The following SLC24A4 variants were observed in gnomAD, a reference collection of about 807,000 sequenced individuals.
SLC24A4 encodes the protein sodium/potassium/calcium exchanger 4.
Under a neutral mutation model 79.0 loss-of-function variants are expected in SLC24A4, and 53 were observed. That is an observed-to-expected ratio of 0.67 (90% CI 0.54 to 0.84). The LOEUF (loss-of-function observed/expected upper bound fraction) is 0.84. Ranked by LOEUF, SLC24A4 falls within the 40% of genes least tolerant of loss-of-function variation. SLC24A4 has a pLI of 0.00. For missense variants in SLC24A4, 731 were observed against 822.0 expected, an observed-to-expected ratio of 0.89 and a Z score of 1.35; for synonymous variants, 323 against 323.8, an observed-to-expected ratio of 1.00 and a Z score of 0.03.
At chr14:92,385,590 A>G (rs770397888) in intron 2 of SLC24A4, among the ~76,000 whole-genome samples, 4 of 152,162 alleles carry the variant, frequency 2.6e-5, no homozygotes, top group Non-Finnish European at 5.9e-5. Context: ...TATTCATAAC[A>G]TACCCGGGAG....
intron 2 of SLC24A4, among the ~76,000 whole-genome samples, chr14:92,424,978 C>G (rs1438813942): frequency 6.6e-6 from 1 of 152,180 alleles, no homozygotes; most frequent in East Asian, 1.9e-4. Flanking sequence ...CCTGAGGGAC[C>G]TGCCCCCATG....
At chr14:92,445,283 C>T (rs1441843534) in intron 7 of SLC24A4, 34 bp from the exon 8 acceptor site, 1 of 1,613,598 alleles carries the variant, frequency 6.2e-7, no homozygotes, top group Admixed American at 1.7e-5. Flanking sequence ...AAATATGTCC[C>T]ACCCACCTCA....
intron 2 of SLC24A4, among the ~76,000 whole-genome samples, chr14:92,407,857 T>G (rs1447981526): frequency 7.0e-6 from 1 of 143,590 alleles, no homozygotes; most frequent in Admixed American, 6.9e-5. Context: ...CAGAGTGATA[T>G]TGTGTGTGTG....
chr14:92,380,890 G>A (rs148917553), intron 2 of SLC24A4, among the ~76,000 whole-genome samples: 46 of 152,304 alleles, frequency 3.0e-4, no homozygotes, highest in Admixed American at 9.2e-4. Context: ...GGTGACTGCC[G>A]TGAGTCCCAG....
chr14:92,493,223 G>T (rs1382260619), intron 16 of SLC24A4, among the ~76,000 whole-genome samples: 1 of 152,130 alleles, frequency 6.6e-6, no homozygotes, highest in Non-Finnish European at 1.5e-5. Flanking sequence ...GGGAGGGCCG[G>T]TCCCATGAGG....
chr14:92,463,887 G>A (rs181870805), intron 12 of SLC24A4, among the ~76,000 whole-genome samples: 1 of 152,134 alleles, frequency 6.6e-6, no homozygotes, highest in East Asian at 1.9e-4. Flanking sequence ...TTCATATAAA[G>A]AGGATCACGC....
At chr14:92,331,697 T>C (rs1168123218) in intron 2 of SLC24A4, among the ~76,000 whole-genome samples, 2 of 152,356 alleles carry the variant, frequency 1.3e-5, no homozygotes. Flanking sequence ...TTTTTCCATC[T>C]GTAAAATGAA....
intron 12 of SLC24A4, among the ~76,000 whole-genome samples, chr14:92,469,310 T>C (rs752334696): frequency 2.6e-5 from 4 of 152,104 alleles, no homozygotes; most frequent in Admixed American, 1.3e-4. Flanking sequence ...AGATCGAGAC[T>C]ATCCTGGCTA....
At chr14:92,374,291 C>G (rs1888374728) in intron 2 of SLC24A4, among the ~76,000 whole-genome samples, 1 of 152,218 alleles carries the variant, frequency 6.6e-6, no homozygotes, top group Non-Finnish European at 1.5e-5. Flanking sequence ...GTGGTTCCCA[C>G]TCATTCGAGA....
chr14:92,475,508 C>T (rs971071835), intron 12 of SLC24A4, among the ~76,000 whole-genome samples: 2 of 152,166 alleles, frequency 1.3e-5, no homozygotes, highest in African/African-American at 4.8e-5. Context: ...TTCATAAATT[C>T]TTCAAAACCA....
rs776586246 is a variant in SLC24A4, at chr14:92,456,498, A to G, written c.1145A>G (p.Glu382Gly). 3.1e-6 allele frequency: 5 copies of G among 1,614,198 alleles called. No individual in the cohort carries two copies. In the South Asian group the frequency reaches 4.4e-5, roughly 14 times the overall value. The change falls in exon 12 of 17, where the codon GAA becomes GGA. Residue 382 changes from glutamate to glycine, a missense_variant. By Grantham distance (98) the Glu-to-Gly change is moderately conservative. Coordinates refer to ENST00000532405, the MANE Select transcript of SLC24A4 (RefSeq NM_153646.4). ...ATTGAGAACGGGAATGTTCCTGTGG[A>G]AAACCCCGAAGACCCTCAGCAGAAT... ...ENIENGNVPVENPEDPQQNQE... is the reference protein window; with the variant it reads ...ENIENGNVPVGNPEDPQQNQE...
At chr14:92,383,875 C>CG (rs1234234571) in intron 2 of SLC24A4, among the ~76,000 whole-genome samples, 1 of 152,202 alleles carries the variant, frequency 6.6e-6, no homozygotes, top group African/African-American at 2.4e-5. Context: ...AGCATTTCCG[C>CG]GGGAAGATCT....
rs139530271 is a variant in SLC24A4, at chr14:92,442,103, C to T, written c.408C>T (p.Ser136=). Residue 136 remains serine, a synonymous_variant, in exon 5 of 17, where the codon AGC becomes AGT. Coordinates refer to ENST00000532405, the MANE Select transcript of SLC24A4 (RefSeq NM_153646.4). The part of the protein sequence containing the change: ...LEKICERLHL[S]EDVAGATFMA... ...TTCCGTTTCAGAGACTCCATCTGAGCGAAGATGTGGCTGGAGCCACCTTCA... is the reference window on the plus strand; with the variant it reads ...TTCCGTTTCAGAGACTCCATCTGAGTGAAGATGTGGCTGGAGCCACCTTCA... The T allele has an allele frequency of 5.6e-6, 9 of 1,613,716 alleles. No individual in the cohort carries two copies. The Admixed American group carries it at 8.3e-5, about 15-fold the overall frequency.
chr14:92,414,408 T>A (rs1439847210), intron 2 of SLC24A4, among the ~76,000 whole-genome samples: 1 of 152,176 alleles, frequency 6.6e-6, no homozygotes, highest in Non-Finnish European at 1.5e-5. Context: ...TTAACTTTAT[T>A]TGACCAATAT....
intron 2 of SLC24A4, among the ~76,000 whole-genome samples, chr14:92,335,144 G>T (rs1328204985): frequency 6.6e-6 from 1 of 151,964 alleles, no homozygotes; most frequent in Non-Finnish European, 1.5e-5. Context: ...AGCAGTTGTG[G>T]GTTTACAGAA....
chr14:92,421,393 C>G (rs1891273030), intron 2 of SLC24A4, among the ~76,000 whole-genome samples: 1 of 152,152 alleles, frequency 6.6e-6, no homozygotes, highest in East Asian at 1.9e-4. Context: ...TTCCCTACCC[C>G]CAGTGGTTCT....
Position 92,482,762 on chromosome 14 carries a change from G to A in SLC24A4, c.1338G>A (p.Lys446=). 1 of 1,614,114 alleles carries A rather than the reference G, an allele frequency of 6.2e-7. No individual in the cohort carries two copies. The highest frequency in any genetic ancestry group is 8.5e-7 in the Non-Finnish European group (1 of 1,180,028). The change falls in exon 13 of 17, where the codon AAG becomes AAA. Residue 446 remains lysine, a synonymous_variant. Coordinates refer to ENST00000532405, the MANE Select transcript of SLC24A4 (RefSeq NM_153646.4). ...GCGTCACCATTCCCAACTGCAGCAA[G>A]CCCCGCTGGGAGAAGTTCTTCATGG... ...LLCVTIPNCS[K]PRWEKFFMVT... is the part of the protein sequence containing the mutation.
At position 92,493,860 on chromosome 14, in the gene SLC24A4, C is replaced by G; in HGVS notation, c.*232C>G. The stretch of plus-strand genomic sequence containing the variant: ...CAAGGCTGGATTTGGGGGCCATTAT[C>G]TGAGCAGCTTCAAAGACCCCTGAGC... On this transcript the variant is annotated 3_prime_UTR_variant, in exon 17 of 17. Transcript: ENST00000532405. 1 of 561,788 alleles carries G rather than the reference C, an allele frequency of 1.8e-6. No individual in the cohort carries two copies. Among genetic ancestry groups the G allele is most frequent in the East Asian group, 3.0e-5 (1 of 32,902 alleles). 34.8% of individuals were successfully genotyped at this position (561,788 alleles called of 1,614,324 possible). A position where few individuals can be genotyped will look rare whatever the true frequency, so the allele number is the denominator to read the frequency against.
rs79402317 is a variant in SLC24A4 at position 92,346,350 on chromosome 14, C to G, written c.241+20372C>G. 4.2e-3 allele frequency among the ~76,000 whole-genome samples: 647 copies of G among 152,260 alleles called. 3 individuals carry two copies. Among genetic ancestry groups the G allele is most frequent in the African/African-American group, 0.014 (585 of 41,554 alleles). Reference sequence around the variant, plus strand: ...TTTCCGTCTGTAAACTGGAAGTGCTCTTCCCTACCTCTCAGGATGGCCATG... The same window carrying G: ...TTTCCGTCTGTAAACTGGAAGTGCTGTTCCCTACCTCTCAGGATGGCCATG... On this transcript the variant is annotated intron_variant, in intron 2 of 16. Coordinates refer to ENST00000532405, the MANE Select transcript of SLC24A4 (RefSeq NM_153646.4).
Sources: gnomAD v4.1 joint callset for allele counts (sites outside exome capture counted in the v4.1 genomes callset) on GRCh38, gnomAD v4.1.1 for gene constraint, MANE v1.5 for transcripts, NCBI Gene and HGNC (gene_info 2026-07-23, HGNC 2026-07-21) for gene names.